Variants in METTL21A observed in about 807,000 individuals in gnomAD.
METTL21A encodes the protein methyltransferase 21A, HSPA lysine.
In METTL21A, 22 loss-of-function variants were observed where a neutral mutation model predicts 20.9. The ratio of observed to expected loss-of-function variants is 1.05; its 90% CI spans 0.75 to 1.50. The LOEUF (loss-of-function observed/expected upper bound fraction) is 1.50. Ranked by LOEUF, METTL21A falls within the 40% of genes most tolerant of loss-of-function variation. METTL21A has a pLI of 0.00. For synonymous variants in METTL21A, 93 were observed against 102.0 expected, an observed-to-expected ratio of 0.91 and a Z score of 0.53; for missense variants, 271 against 266.8, an observed-to-expected ratio of 1.02 and a Z score of -0.11.
chr2:207,589,427 A>G (rs2709393), intron 3 of METTL21A, among the ~76,000 whole-genome samples: 135,003 of 152,124 alleles, frequency 0.89, 61,211 homozygotes, highest in East Asian at 1. Context: ...GGCCCACTCA[A>G]GTAACCCAAG....
intron 2 of METTL21A, among the ~76,000 whole-genome samples, chr2:207,623,798 A>T (rs759790209): frequency 2.6e-5 from 4 of 152,222 alleles, no homozygotes; most frequent in African/African-American, 4.8e-5. Context: ...GGCTGCATTG[A>T]GCCAGGATCG....
chr2:207,592,807 T>C (rs2085318695), intron 3 of METTL21A, among the ~76,000 whole-genome samples: 1 of 151,180 alleles, frequency 6.6e-6, no homozygotes, highest in African/African-American at 2.4e-5. Context: ...TAGTCCCAGC[T>C]GAGGCTGAGG....
chr2:207,614,207 C>A (rs1009110421), intron 3 of METTL21A, among the ~76,000 whole-genome samples: 1 of 152,044 alleles, frequency 6.6e-6, no homozygotes, highest in Admixed American at 6.6e-5. Context: ...TCAAGACCAG[C>A]CTGGGTAACA....
rs534215145 is a variant in METTL21A at position 207,616,183 on chromosome 2, T to A, written c.260-2740A>T. Among the ~76,000 whole-genome samples the A allele has an allele frequency of 9.7e-4, 141 of 146,098 alleles. No individual in the cohort carries two copies. The East Asian group carries it at 0.011, about 11-fold the overall frequency. On this transcript the variant is annotated intron_variant, in intron 3 of 3. Transcript: ENST00000406927. ...CAACAGAGCGAGACCCTATCTCTTT[T>A]AAAAAAAAAAAAATGCAGACAGCCT...
intron 3 of METTL21A, among the ~76,000 whole-genome samples, chr2:207,587,405 A>G (rs1179329703): frequency 6.6e-6 from 1 of 151,732 alleles, no homozygotes; most frequent in East Asian, 1.9e-4. Flanking sequence ...AAAAAAAAAA[A>G]AGGAAAAAGA....
intron 3 of METTL21A, chr2:207,601,652 T>A (rs987493261): frequency 9.4e-6 from 2 of 212,370 alleles, no homozygotes; most frequent in Admixed American, 1.2e-4. Flanking sequence ...AGTACAAGAC[T>A]TTTTAAAGCA....
chr2:207,624,198 C>A (rs772383834), intron 2 of METTL21A, 31 bp downstream of exon 2: 1 of 1,551,156 alleles, frequency 6.4e-7, no homozygotes, highest in East Asian at 2.3e-5. Flanking sequence ...CAAGTGTGAA[C>A]GTTTTCAGAG....
rs549688075 is a variant in METTL21A, at chr2:207,621,061, G to A, written c.259+745C>T. 2.6e-5 allele frequency among the ~76,000 whole-genome samples: 4 copies of A among 152,294 alleles called. No homozygotes were observed. The East Asian group carries it at 7.7e-4, about 29-fold the overall frequency. ...ATCTGCATTTTAACAAGAGCACCAG[G>A]TGACAATATGGAAGTGATAAACATT... On this transcript the variant is annotated intron_variant, in intron 3 of 3. Transcript: ENST00000406927.
chr2:207,593,275 C>T (rs2085437283), intron 3 of METTL21A, among the ~76,000 whole-genome samples: 1 of 152,198 alleles, frequency 6.6e-6, no homozygotes, highest in Non-Finnish European at 1.5e-5. Context: ...CCTGTAATCC[C>T]AGCACTTTGG....
chr2:207,601,281 G>C (rs1329583301), intron 3 of METTL21A: 1 of 185,240 alleles, frequency 5.4e-6, no homozygotes, highest in East Asian at 8.8e-5. Context: ...CCCAGTTTGG[G>C]TATTAGCAAC....
intron 3 of METTL21A, among the ~76,000 whole-genome samples, chr2:207,587,806 AGGGAGCATG>A (rs941097646): frequency 3.3e-5 from 5 of 152,306 alleles, no homozygotes; most frequent in African/African-American, 1.2e-4. Context: ...AAGGTGAGAT[AGGGAGCATG>A]GGGAGAGGTT....
chr2:207,592,353 C>A lies in METTL21A; in HGVS notation c.260-10193G>T, dbSNP rs1212293915. Reference sequence around the variant, plus strand: ...ACCCGGGAGGCAGAGGTTGCAGTAGCCCAGATCACGCCACTGCACTCCAGC... The same window carrying A: ...ACCCGGGAGGCAGAGGTTGCAGTAGACCAGATCACGCCACTGCACTCCAGC... On this transcript the variant is annotated intron_variant, in intron 3 of 3. Transcript: ENST00000425132. Among the ~76,000 whole-genome samples, 4 of 152,032 alleles carry A rather than the reference C, an allele frequency of 2.6e-5. No individual in the cohort carries two copies. The East Asian group carries it at 7.7e-4, about 29-fold the overall frequency.
At chr2:207,624,433 C>A in intron 1 of METTL21A, 29 bp from the exon 2 acceptor site, 1 of 1,555,326 alleles carries the variant, frequency 6.4e-7, no homozygotes, top group South Asian at 1.2e-5. Flanking sequence ...CTGGGTGACG[C>A]TCTGGCCAAA....
chr2:207,584,513 C>T (rs1001253481), intron 3 of METTL21A, among the ~76,000 whole-genome samples: 7 of 152,168 alleles, frequency 4.6e-5, no homozygotes, highest in Admixed American at 3.9e-4. Context: ...AAGAGATTCT[C>T]GTGCCTCAGC....
At chr2:207,595,398 A>G (rs2085944211) in intron 3 of METTL21A, among the ~76,000 whole-genome samples, 1 of 151,996 alleles carries the variant, frequency 6.6e-6, no homozygotes, top group African/African-American at 2.4e-5. Context: ...GTTGAGTTCA[A>G]AAGTTCTTTA....
In METTL21A at chr2:207,613,030, T is replaced by G. The variant is rs764701504; in HGVS notation, c.*16A>C. 2.0e-6 allele frequency: 3 copies of G among 1,533,314 alleles called. No homozygotes were observed. The African/African-American group carries it at 4.2e-5, about 21-fold the overall frequency. 95.0% of individuals were successfully genotyped at this position (1,533,314 alleles called of 1,614,324 possible). A position where few individuals can be genotyped will look rare whatever the true frequency, so the allele number is the denominator to read the frequency against. ...GTGACACACTCAATGACAACATTCT[T>G]ATAAATTATAGCCAATTATAAGTCC... On this transcript the variant is annotated 3_prime_UTR_variant, in exon 4 of 4. Transcript: ENST00000406927.
chr2:207,616,096 A>G (rs552209558), intron 3 of METTL21A, among the ~76,000 whole-genome samples: 15 of 151,556 alleles, frequency 9.9e-5, no homozygotes, highest in African/African-American at 3.4e-4. Context: ...GGCTTTCCCT[A>G]TTTTTGGTAT....
chr2:207,600,733 C>T lies in METTL21A; in HGVS notation c.260-18573G>A, dbSNP rs928451528. 2.8e-5 allele frequency: 6 copies of T among 211,408 alleles called. No individual in the cohort carries two copies. The East Asian group carries it at 4.2e-4, about 15-fold the overall frequency. 13.1% of individuals were successfully genotyped at this position (211,408 alleles called of 1,614,324 possible). ...CTCTGAAAGCACAATACCAGTCAGG[C>T]AGCCTATCCCATCAGATGTCATCTG... On this transcript the variant is annotated intron_variant, in intron 3 of 3. Transcript: ENST00000425132.
chr2:207,582,897 AC>A (rs1215964504), intron 3 of METTL21A: 9 of 255,734 alleles, frequency 3.5e-5, no homozygotes, highest in Non-Finnish European at 6.4e-5. Context: ...TCTCAAAAAA[AC>A]AAACAAACAA....
Sources: allele counts gnomAD v4.1 joint callset (sites outside exome capture counted in the v4.1 genomes callset), GRCh38; gene constraint gnomAD v4.1.1; transcripts MANE v1.5; gene names NCBI Gene and HGNC (gene_info 2026-07-23, HGNC 2026-07-21).